The following RBFOX1 variants were observed in gnomAD, a reference collection of about 807,000 sequenced individuals.
RBFOX1 encodes RNA binding fox-1 homolog 1.
In RBFOX1, 8 loss-of-function variants were observed where a neutral mutation model predicts 57.7. That is an observed-to-expected ratio of 0.14 (90% confidence interval 0.08 to 0.25). RBFOX1 has a LOEUF of 0.25. RBFOX1 is among the 10% of genes least tolerant of loss of function. The pLI, the probability that RBFOX1 is intolerant of heterozygous loss-of-function variation, is 1.00. For missense variants in RBFOX1, 611 were observed against 548.5 expected (o/e 1.11, Z -1.14); for synonymous variants, 326 against 222.4 (o/e 1.47, Z -4.15).
At chr16:6,240,962 G>T (rs935834196) in intron 1 of RBFOX1, among the ~76,000 whole-genome samples, 1 of 152,124 alleles carries the variant, frequency 6.6e-6, no homozygotes, top group African/African-American at 2.4e-5. Flanking sequence ...TCACCCTGAT[G>T]TTTTTCCCCT....
At chr16:7,283,390 A>C (rs1006204766) in intron 4 of RBFOX1, among the ~76,000 whole-genome samples, 4 of 152,068 alleles carry the variant, frequency 2.6e-5, no homozygotes, top group Non-Finnish European at 5.9e-5. Context: ...ATCAGTGTCC[A>C]CCATGAGTTC....
intron 1 of RBFOX1, among the ~76,000 whole-genome samples, chr16:5,282,765 A>G (rs2151152014): frequency 6.6e-6 from 1 of 152,366 alleles, no homozygotes; most frequent in East Asian, 1.9e-4. Context: ...TAAGGGAAGC[A>G]GAGCATAAAA....
At chr16:7,524,645 C>T (rs938334774) in intron 5 of RBFOX1, among the ~76,000 whole-genome samples, 2 of 152,214 alleles carry the variant, frequency 1.3e-5, no homozygotes, top group Admixed American at 6.5e-5. Flanking sequence ...AATGTGGGTG[C>T]CCCAGCTAGG....
At chr16:7,221,665 C>T (rs1448527354) in intron 4 of RBFOX1, among the ~76,000 whole-genome samples, 1 of 152,208 alleles carries the variant, frequency 6.6e-6, no homozygotes, top group African/African-American at 2.4e-5. Context: ...CTGCACCTGC[C>T]GTTGACTTAT....
chr16:6,294,548 T>C (rs1436893931), intron 1 of RBFOX1, among the ~76,000 whole-genome samples: 1 of 152,206 alleles, frequency 6.6e-6, no homozygotes, highest in Non-Finnish European at 1.5e-5. Flanking sequence ...ACACTAAGTA[T>C]GAAGGTGCCT....
At chr16:6,692,883 A>G (rs371612960) in intron 3 of RBFOX1, among the ~76,000 whole-genome samples, 9 of 151,906 alleles carry the variant, frequency 5.9e-5, no homozygotes, top group African/African-American at 1.7e-4. Context: ...ATCCATTACT[A>G]TCACCACCAT....
intron 2 of RBFOX1, among the ~76,000 whole-genome samples, chr16:6,445,802 C>T (rs992499458): frequency 1.3e-5 from 2 of 151,962 alleles, no homozygotes; most frequent in Admixed American, 6.6e-5. Context: ...AGGATGGTCT[C>T]GATTTCCTGA....
intron 4 of RBFOX1, among the ~76,000 whole-genome samples, chr16:7,359,119 A>T (rs1035678140): frequency 1.3e-5 from 2 of 152,140 alleles, no homozygotes; most frequent in Non-Finnish European, 2.9e-5. Flanking sequence ...TGAGTTAAAC[A>T]TGTTGGCTTT....
At chr16:7,381,418 C>G (rs1191968686) in intron 4 of RBFOX1, among the ~76,000 whole-genome samples, 1 of 152,128 alleles carries the variant, frequency 6.6e-6, no homozygotes, top group East Asian at 1.9e-4. Context: ...AATTCCTACT[C>G]TTCCTTTCTG....
chr16:7,448,001 C>G (rs984751290), intron 4 of RBFOX1, among the ~76,000 whole-genome samples: 1 of 152,158 alleles, frequency 6.6e-6, no homozygotes, highest in African/African-American at 2.4e-5. Context: ...GATTTCCACT[C>G]TTTAGAAACA....
chr16:6,141,526 A>T (rs978170019), intron 1 of RBFOX1, among the ~76,000 whole-genome samples: 3 of 151,974 alleles, frequency 2.0e-5, no homozygotes, highest in African/African-American at 7.3e-5. Context: ...ATACTGCTCT[A>T]AGTTCCATTC....
intron 4 of RBFOX1, among the ~76,000 whole-genome samples, chr16:7,176,306 T>G (rs1427691537): frequency 6.6e-6 from 1 of 151,650 alleles, no homozygotes; most frequent in Non-Finnish European, 1.5e-5. Context: ...TTCTTTAGCT[T>G]TTATCGTTTT....
chr16:6,822,146 G>A (rs1206576065), intron 3 of RBFOX1, among the ~76,000 whole-genome samples: 2 of 152,112 alleles, frequency 1.3e-5, no homozygotes, highest in African/African-American at 4.8e-5. Flanking sequence ...GAAGCAAAAC[G>A]GGAGCTCGTG....
chr16:7,581,046 A>T (rs184033087), intron 6 of RBFOX1, among the ~76,000 whole-genome samples: 5 of 152,072 alleles, frequency 3.3e-5, no homozygotes, highest in African/African-American at 7.2e-5. Context: ...TCACTACTCA[A>T]AGGCACTGTG....
At chr16:6,951,031 G>C (rs999180842) in intron 3 of RBFOX1, among the ~76,000 whole-genome samples, 2 of 151,794 alleles carry the variant, frequency 1.3e-5, no homozygotes, top group Non-Finnish European at 2.9e-5. Flanking sequence ...TCTGCCTCTC[G>C]AGTAGGTGGG....
chr16:7,146,948 C>G lies in RBFOX1; in HGVS notation c.27+94850C>G, dbSNP rs535062648. On this transcript the variant is annotated intron_variant, in intron 4 of 15. Coordinates refer to ENST00000550418, the MANE Select transcript of RBFOX1 (RefSeq NM_018723.4). ...TGGGTGACAGAGTGATACCCTGCATCAAAATAATGATAAAAAAGAACAACG... is the reference window on the plus strand; with the variant it reads ...TGGGTGACAGAGTGATACCCTGCATGAAAATAATGATAAAAAAGAACAACG... Among the ~76,000 whole-genome samples the G allele has an allele frequency of 1.1e-4, 9 of 83,426 alleles. 1 individual carries two copies. The East Asian group carries it at 3.2e-3, about 30-fold the overall frequency. The allele number at this position is 83,426 out of a possible 152,430, so 54.7% of individuals were successfully genotyped here.
chr16:7,532,821 C>A (rs3785260), intron 5 of RBFOX1, among the ~76,000 whole-genome samples: 6,216 of 152,244 alleles, frequency 0.041, 185 homozygotes, highest in East Asian at 0.12. Context: ...AGCTCGATGG[C>A]CCACAGAGCC....
intron 1 of RBFOX1, among the ~76,000 whole-genome samples, chr16:6,260,175 G>T (rs1489299684): frequency 3.3e-5 from 5 of 152,110 alleles, no homozygotes; most frequent in Non-Finnish European, 5.9e-5. Context: ...TTCTCCCATT[G>T]AAAATAATTC....
chr16:6,252,691 G>C (rs1277210896), intron 1 of RBFOX1, among the ~76,000 whole-genome samples: 2 of 152,198 alleles, frequency 1.3e-5, no homozygotes, highest in Non-Finnish European at 1.5e-5. Context: ...TAGGACAACA[G>C]TGGCTTTGTA....
Sources: gnomAD v4.1 joint callset for allele counts (sites outside exome capture counted in the v4.1 genomes callset) on GRCh38, gnomAD v4.1.1 for gene constraint, MANE v1.5 for transcripts, NCBI Gene and HGNC (gene_info 2026-07-23, HGNC 2026-07-21) for gene names.